PSMA8: variants seen among roughly 807,000 people sequenced by gnomAD.
PSMA8 encodes the protein proteasome 20S subunit alpha 8.
In PSMA8, 18 loss-of-function variants were observed where a neutral mutation model predicts 32.4. The observed-to-expected ratio is 0.56, with a 90% CI of 0.38 to 0.82. The LOEUF (loss-of-function observed/expected upper bound fraction) is 0.82, where lower values mean the gene tolerates loss of function less well. PSMA8 is among the 40% of genes least tolerant of loss of function. The probability of loss-of-function intolerance (pLI) is 0.00; values close to 1 mark genes in which losing one functional copy is unlikely to be tolerated. For missense variants in PSMA8, 298 were observed against 300.7 expected, an observed-to-expected ratio of 0.99 and a Z score of 0.07; for synonymous variants, 104 against 98.1, an observed-to-expected ratio of 1.06 and a Z score of -0.36.
intron 4 of PSMA8, among the ~76,000 whole-genome samples, chr18:26,174,333 A>G (rs779972308): frequency 6.6e-6 from 1 of 152,172 alleles, no homozygotes; most frequent in East Asian, 1.9e-4. Flanking sequence ...AGTTGTACAC[A>G]TTTTTTAAAA....
chr18:26,176,823 C>T (rs2055267567), intron 4 of PSMA8, among the ~76,000 whole-genome samples: 3 of 152,012 alleles, frequency 2.0e-5, no homozygotes, highest in African/African-American at 7.2e-5. Context: ...ATCCCAGCTA[C>T]TCGGGAGGCT....
At chr18:26,167,679 C>A (rs1353882486) in intron 4 of PSMA8, among the ~76,000 whole-genome samples, 1 of 152,134 alleles carries the variant, frequency 6.6e-6, no homozygotes, top group Non-Finnish European at 1.5e-5. Context: ...TATGTGTGCA[C>A]ACAAGAAGAA....
In PSMA8 at chr18:26,179,142, A is replaced by G; in HGVS notation, c.660+12A>G. On this transcript the variant is annotated intron_variant, in intron 6 of 6. Coordinates refer to ENST00000415576, the MANE Select transcript of PSMA8 (RefSeq NM_001025096.2). ...ATCAACCTTTGAAGGTAAGTCATTA[A>G]CCAAAGAGGAAAAAGTATCTGTAGT... 6.3e-7 allele frequency: 1 copy of G among 1,597,786 alleles called. No homozygotes were observed. Among genetic ancestry groups the G allele is most frequent in the Non-Finnish European group, 8.6e-7 (1 of 1,168,934 alleles).
chr18:26,154,182 A>T (rs2055068489), intron 3 of PSMA8, among the ~76,000 whole-genome samples: 1 of 152,184 alleles, frequency 6.6e-6, no homozygotes, highest in African/African-American at 2.4e-5. Context: ...GATTACAGGC[A>T]TGAGCCACTG....
intron 6 of PSMA8, among the ~76,000 whole-genome samples, chr18:26,190,474 C>A (rs1040384806): frequency 6.6e-6 from 1 of 152,124 alleles, no homozygotes; most frequent in Non-Finnish European, 1.5e-5. Flanking sequence ...TGAGGCTGGG[C>A]GCAGTGGCTC....
At chr18:26,152,527 A>G (rs1204316308) in intron 3 of PSMA8, among the ~76,000 whole-genome samples, 1 of 151,964 alleles carries the variant, frequency 6.6e-6, no homozygotes, top group Non-Finnish European at 1.5e-5. Flanking sequence ...GTTTTGCTAT[A>G]TTGCCCAGGT....
intron 2 of PSMA8, among the ~76,000 whole-genome samples, chr18:26,145,521 A>G (rs138917183): frequency 6.6e-6 from 1 of 152,206 alleles, no homozygotes; most frequent in East Asian, 1.9e-4. Flanking sequence ...ACCTCATGCT[A>G]TTTCTTCTCA....
chr18:26,162,978 T>C (rs1348746616), intron 4 of PSMA8, among the ~76,000 whole-genome samples: 3 of 151,944 alleles, frequency 2.0e-5, no homozygotes, highest in Non-Finnish European at 1.5e-5. Context: ...TAGTGCAGGA[T>C]TCCCAAAGAT....
intron 2 of PSMA8, among the ~76,000 whole-genome samples, chr18:26,149,711 C>A (rs1197172443): frequency 6.6e-6 from 1 of 152,062 alleles, no homozygotes; most frequent in Non-Finnish European, 1.5e-5. Flanking sequence ...ACAAATGGTG[C>A]AGGGGAAACT....
At chr18:26,162,363 A>G (rs1318992284) in intron 4 of PSMA8, among the ~76,000 whole-genome samples, 1 of 151,604 alleles carries the variant, frequency 6.6e-6, no homozygotes, top group Non-Finnish European at 1.5e-5. Flanking sequence ...CTCTGCTTCT[A>G]TGAGTTCATT....
intron 2 of PSMA8, among the ~76,000 whole-genome samples, 167 bp downstream of exon 2, chr18:26,144,852 T>G (rs570572469): frequency 1.3e-5 from 2 of 152,238 alleles, no homozygotes; most frequent in Non-Finnish European, 2.9e-5. Context: ...CCAGGATTTT[T>G]GATAAAGTAC....
intron 2 of PSMA8, among the ~76,000 whole-genome samples, chr18:26,148,919 T>C (rs1169418362): frequency 6.6e-6 from 1 of 152,156 alleles, no homozygotes; most frequent in Admixed American, 6.5e-5. Context: ...TCACCATAGC[T>C]CACTGCAGCC....
rs2055286303 is a variant in PSMA8 at position 26,178,938 on chromosome 18, G to T, written c.586G>T (p.Ala196Ser). The change falls in exon 5 of 7, where the codon GCT (alanine) becomes TCT (serine). Residue 196 changes from alanine (A) to serine (S), a missense_variant. Transcript: ENST00000415576. ...DSEAIKLAIK[A>S]LLEVVQSGGK... ...TGAAGCTATCAAGTTAGCAATAAAA[G>T]CTTTGCTAGAAGTAAGTGATCTAAT... The T allele has an allele frequency of 6.2e-7, 1 of 1,612,896 alleles. No homozygotes were observed. The highest frequency in any genetic ancestry group is 1.3e-5 in the African/African-American group (1 of 75,026).
intron 6 of PSMA8, among the ~76,000 whole-genome samples, chr18:26,183,758 T>C (rs188845571): frequency 1.1e-4 from 16 of 151,138 alleles, no homozygotes; most frequent in African/African-American, 3.7e-4. Context: ...ACTCCAGTTC[T>C]GAAAAGTTCA....
At chr18:26,162,670 C>A (rs1475651497) in intron 4 of PSMA8, among the ~76,000 whole-genome samples, 12 of 152,044 alleles carry the variant, frequency 7.9e-5, no homozygotes, top group Admixed American at 7.9e-4. Context: ...TTGAGACCAT[C>A]CTGGCTAACA....
At chr18:26,173,344 TG>T (rs1362382001) in intron 4 of PSMA8, among the ~76,000 whole-genome samples, 3 of 152,210 alleles carry the variant, frequency 2.0e-5, no homozygotes, top group Non-Finnish European at 2.9e-5. Flanking sequence ...GATATCTGCA[TG>T]GCTACCATCC....
At chr18:26,180,681 T>C (rs1568070010) in intron 6 of PSMA8, among the ~76,000 whole-genome samples, 2 of 147,792 alleles carry the variant, frequency 1.4e-5, no homozygotes, top group Non-Finnish European at 2.9e-5. Context: ...AATATACCTA[T>C]GCATATAAAA....
In PSMA8 at chr18:26,133,886, C is replaced by T. The variant is rs1283117945; in HGVS notation, c.-80C>T. 2.1e-5 allele frequency: 26 copies of T among 1,241,784 alleles called. No individual in the cohort carries two copies. The highest frequency in any genetic ancestry group is 2.8e-5 in the Non-Finnish European group (24 of 851,036). 76.9% of individuals were successfully genotyped at this position (1,241,784 alleles called of 1,614,324 possible). On this transcript the variant is annotated 5_prime_UTR_variant, in exon 1 of 7. It adds an upstream start codon to the 5' untranslated region. Coordinates refer to ENST00000415576, the MANE Select transcript of PSMA8 (RefSeq NM_001025096.2). ...GTGGAAGCGCTTCCGGGCGGTAGCA[C>T]GCTGTGTTGGCGGCGGCTCCCCGCT...
At chr18:26,164,462 G>C (rs940869050) in intron 4 of PSMA8, among the ~76,000 whole-genome samples, 3 of 152,178 alleles carry the variant, frequency 2.0e-5, no homozygotes, top group Non-Finnish European at 4.4e-5. Context: ...TCTCCTATAA[G>C]AGGATAAACT....
Sources: gnomAD v4.1 joint callset for allele counts (sites outside exome capture counted in the v4.1 genomes callset) on GRCh38, gnomAD v4.1.1 for gene constraint, MANE v1.5 for transcripts, NCBI Gene and HGNC (gene_info 2026-07-23, HGNC 2026-07-21) for gene names.